The following PRKN variants were observed in gnomAD, a reference collection of about 807,000 sequenced individuals.
PRKN encodes the protein parkin RBR E3 ubiquitin protein ligase.
In PRKN, 56 loss-of-function variants were observed where a neutral mutation model predicts 59.5. The ratio of observed to expected loss-of-function variants is 0.94; its 90% CI spans 0.76 to 1.18. The LOEUF (loss-of-function observed/expected upper bound fraction) is 1.18. Ranked by LOEUF, PRKN falls within the 50% of genes most tolerant of loss-of-function variation. The pLI, the probability that PRKN is intolerant of heterozygous loss-of-function variation, is 0.00. For synonymous variants in PRKN, 250 were observed against 222.1 expected (o/e 1.13, Z -1.12); for missense variants, 657 against 596.4 (o/e 1.10, Z -1.06).
At chr6:162,103,042 CAAAAAAAA>C (rs1163020488) in intron 4 of PRKN, among the ~76,000 whole-genome samples, 11 of 54,336 alleles carry the variant, frequency 2.0e-4, no homozygotes, top group African/African-American at 3.8e-4. Context: ...GACTCTGTCT[CAAAAAAAA>C]AAAAAAAAAG....
chr6:162,014,189 T>C (rs1295609671), intron 5 of PRKN, among the ~76,000 whole-genome samples: 1 of 152,172 alleles, frequency 6.6e-6, no homozygotes, highest in Non-Finnish European at 1.5e-5. Flanking sequence ...ACATGCATAC[T>C]TTCAGTGTGG....
At chr6:162,235,977 G>GAAAGAA (rs1562602473) in intron 3 of PRKN, among the ~76,000 whole-genome samples, 5 of 111,550 alleles carry the variant, frequency 4.5e-5, no homozygotes, top group African/African-American at 2.2e-4. Flanking sequence ...AAGAAAGAAA[G>GAAAGAA]AAAGAAAGAA....
intron 5 of PRKN, among the ~76,000 whole-genome samples, chr6:162,005,805 G>A (rs796298799): frequency 2.6e-5 from 4 of 152,120 alleles, no homozygotes; most frequent in East Asian, 1.9e-4. Context: ...TTAGAAAACC[G>A]GTGCTAGATG....
Position 162,115,333 on chromosome 6 carries a change from T to G in PRKN, c.535-61159A>C, listed in dbSNP as rs1347194769. Among the ~76,000 whole-genome samples, 6 of 91,510 alleles carry G rather than the reference T, an allele frequency of 6.6e-5. No individual in the cohort carries two copies. The East Asian group carries it at 1.5e-3, about 23-fold the overall frequency. The allele number at this position is 91,510 out of a possible 152,430, so 60.0% of individuals were successfully genotyped here. On this transcript the variant is annotated intron_variant, in intron 4 of 11. Coordinates refer to ENST00000366898, the MANE Select transcript of PRKN (RefSeq NM_004562.3). ...ACACAGGAAGGGGAACATCACACTC[T>G]GGGGACTGTTGTGGGGTGGGGGGAG...
intron 8 of PRKN, among the ~76,000 whole-genome samples, chr6:161,553,537 C>G (rs2115440714): frequency 6.6e-6 from 1 of 152,226 alleles, no homozygotes; most frequent in South Asian, 2.1e-4. Context: ...GTCTTTCTCT[C>G]TTCTTGAAAG....
rs1431130483 is a variant in PRKN, at chr6:161,874,828, A to C, written c.735-88920T>G. ...AGATATATAAAATGTATAATATATA[A>C]AATGTATAATATATAAAATATATAA... is the stretch of plus-strand genomic sequence containing the variant. On this transcript the variant is annotated intron_variant, in intron 6 of 11. Transcript: ENST00000366898. Among the ~76,000 whole-genome samples, 573 of 112,372 alleles carry C rather than the reference A, an allele frequency of 5.1e-3. 19 individuals carry two copies. The highest frequency in any genetic ancestry group is 0.02 in the African/African-American group (533 of 26,874). 73.7% of individuals were successfully genotyped at this position (112,372 alleles called of 152,430 possible).
intron 1 of PRKN, among the ~76,000 whole-genome samples, chr6:162,494,336 G>A (rs931181841): frequency 6.6e-6 from 1 of 152,154 alleles, no homozygotes; most frequent in Non-Finnish European, 1.5e-5. Context: ...AGGTGTGCTT[G>A]TTTAGCACCC....
chr6:162,191,170 G>A lies in PRKN; in HGVS notation c.534+9961C>T, dbSNP rs116325789. Among the ~76,000 whole-genome samples the A allele has an allele frequency of 3.9e-3, 591 of 152,208 alleles. 3 individuals are homozygous for A. Among genetic ancestry groups the A allele is most frequent in the African/African-American group, 0.014 (566 of 41,546 alleles). ...TGATGCATTTACAAATGTGATAGTC[G>A]CTGATCATTGCCAACCCAACGTGCT... On this transcript the variant is annotated intron_variant, in intron 4 of 11. Transcript: ENST00000366898.
intron 7 of PRKN, among the ~76,000 whole-genome samples, chr6:161,572,635 G>A (rs1168013019): frequency 2.0e-5 from 3 of 151,550 alleles, no homozygotes; most frequent in African/African-American, 7.3e-5. Flanking sequence ...ACTCCAGCCT[G>A]GGCAACAACA....
intron 1 of PRKN, among the ~76,000 whole-genome samples, chr6:162,709,172 A>T (rs959561052): frequency 5.9e-5 from 9 of 152,136 alleles, no homozygotes; most frequent in African/African-American, 2.2e-4. Flanking sequence ...GCGAATTGTT[A>T]TTTCATTGTA....
intron 7 of PRKN, among the ~76,000 whole-genome samples, chr6:161,767,882 CT>C (rs1468925681): frequency 6.6e-6 from 1 of 152,064 alleles, no homozygotes; most frequent in Non-Finnish European, 1.5e-5. Context: ...AACATGGATA[CT>C]GTGGTATCCC....
intron 1 of PRKN, among the ~76,000 whole-genome samples, chr6:162,462,085 G>C (rs1474931340): frequency 6.6e-6 from 1 of 152,182 alleles, no homozygotes; most frequent in Admixed American, 6.5e-5. Context: ...AGAGCAGGCA[G>C]AGTCTTATAT....
intron 6 of PRKN, among the ~76,000 whole-genome samples, chr6:161,805,495 CAT>C (rs1361216083): frequency 7.2e-5 from 9 of 125,840 alleles, no homozygotes; most frequent in Middle Eastern, 4.5e-3. Context: ...TGTACACACA[CAT>C]GTACACATAG....
At chr6:161,897,785 A>C (rs895948428) in intron 6 of PRKN, among the ~76,000 whole-genome samples, 6 of 147,994 alleles carry the variant, frequency 4.1e-5, no homozygotes, top group African/African-American at 1.0e-4. Context: ...ATCGAGACCA[A>C]GGTGAAACCC....
At chr6:161,817,858 A>T (rs1287311987) in intron 6 of PRKN, among the ~76,000 whole-genome samples, 1 of 152,222 alleles carries the variant, frequency 6.6e-6, no homozygotes, top group Non-Finnish European at 1.5e-5. Flanking sequence ...TTGACCTGCC[A>T]AGCTTCCAGA....
chr6:161,746,609 CAT>C (rs1463925396), intron 7 of PRKN, among the ~76,000 whole-genome samples: 1 of 144,526 alleles, frequency 6.9e-6, no homozygotes, highest in Non-Finnish European at 1.5e-5. Flanking sequence ...TATACACACA[CAT>C]ACATAGATAT....
intron 9 of PRKN, among the ~76,000 whole-genome samples, chr6:161,539,548 A>T (rs1779543699): frequency 1.2e-5 from 1 of 81,182 alleles, no homozygotes; most frequent in African/African-American, 3.6e-5. Context: ...AAGGTGTAAA[A>T]TTCTACCTAA....
In PRKN at chr6:161,533,699, C is replaced by A. The variant is rs1779305665; in HGVS notation, c.1083+15155G>T. Among the ~76,000 whole-genome samples, 1 of 152,056 alleles carries A rather than the reference C, an allele frequency of 6.6e-6. No individual in the cohort carries two copies. Among genetic ancestry groups the A allele is most frequent in the Non-Finnish European group, 1.5e-5 (1 of 68,016 alleles). ...CTATAAAATCTGCTGGGATCTGCCACCTTAACCCTTTTTTTCAGACATCTC... is the reference window on the plus strand; with the variant it reads ...CTATAAAATCTGCTGGGATCTGCCAACTTAACCCTTTTTTTCAGACATCTC... On this transcript the variant is annotated intron_variant, in intron 9 of 11. Coordinates refer to ENST00000366898, the MANE Select transcript of PRKN (RefSeq NM_004562.3). This position sits in a 1 kb window ranked among gnomAD's most constrained non-coding sequence, Gnocchi z 4.1.
intron 4 of PRKN, among the ~76,000 whole-genome samples, chr6:162,146,646 A>G (rs1307916036): frequency 1.3e-5 from 2 of 152,000 alleles, no homozygotes; most frequent in Admixed American, 1.3e-4. Context: ...CTGGGACTAC[A>G]GGCATGCACC....
Sources: gnomAD v4.1 joint callset for allele counts (sites outside exome capture counted in the v4.1 genomes callset) on GRCh38, gnomAD v4.1.1 for gene constraint, Gnocchi (gnomAD v3.1) non-coding constraint, MANE v1.5 for transcripts, NCBI Gene and HGNC (gene_info 2026-07-23, HGNC 2026-07-21) for gene names.